INPP5A: variants seen among roughly 807,000 people sequenced by gnomAD.
INPP5A encodes the protein inositol polyphosphate-5-phosphatase A, also known as 43 kDa inositol polyphosphate 5-phophatase.
A neutral mutation model predicts 65.2 loss-of-function variants in INPP5A; 14 were observed. The ratio of observed to expected loss-of-function variants is 0.21; its 90% confidence interval spans 0.14 to 0.34. The LOEUF (loss-of-function observed/expected upper bound fraction) is 0.34. Ranked by LOEUF, INPP5A falls within the 10% of genes least tolerant of loss-of-function variation. The pLI is 1.00. For synonymous variants in INPP5A, 207 were observed against 208.3 expected (o/e 0.99, Z 0.05); for missense variants, 431 against 545.6 (o/e 0.79, Z 2.09).
chr10:132,762,484 T>TAA lies in INPP5A; in HGVS notation c.904-3288_904-3287insAA, dbSNP rs1162385086. Among the ~76,000 whole-genome samples the TAA allele has an allele frequency of 6.6e-6, 1 of 152,038 alleles. No homozygotes were observed. Among genetic ancestry groups the TAA allele is most frequent in the Non-Finnish European group, 1.5e-5 (1 of 68,008 alleles). ...TGGTGGAAAACCCCACCCACACACT[T>TAA]AGAGTTCTCTCAGCAGCCAAGTCAG... On this transcript the variant is annotated intron_variant, in intron 11 of 15. Transcript: ENST00000368594. The surrounding 1 kb of genome is among the most constrained non-coding windows in gnomAD (Gnocchi z 4.6).
Position 132,627,640 on chromosome 10 carries a change from G to A in INPP5A, c.118-18228G>A, listed in dbSNP as rs1020947820. Among the ~76,000 whole-genome samples the A allele has an allele frequency of 2.0e-5, 3 of 152,210 alleles. No homozygotes were observed. Among genetic ancestry groups the A allele is most frequent in the African/African-American group, 4.8e-5 (2 of 41,450 alleles). On this transcript the variant is annotated intron_variant, in intron 2 of 15. Transcript: ENST00000368594. This position sits in a 1 kb window ranked among gnomAD's most constrained non-coding sequence, Gnocchi z 6.6. The stretch of plus-strand genomic sequence containing the variant: ...CCGAAAAAGACACCTTCCAGGAATC[G>A]TGGTGAAAGCAGCGAGCACAGTGTG...
rs1273061985 is a variant in INPP5A, at chr10:132,616,954, G to C, written c.117+8998G>C. ...TTTGCTGCGCTGGTGGGGAGAGGCC[G>C]CCTGAGGTCCTTCGAAGCAGCCTGG... On this transcript the variant is annotated intron_variant, in intron 2 of 15. Transcript: ENST00000368594. This position sits in a 1 kb window ranked among gnomAD's most constrained non-coding sequence, Gnocchi z 4.9. Among the ~76,000 whole-genome samples, 1 of 152,070 alleles carries C rather than the reference G, an allele frequency of 6.6e-6. No homozygotes were observed. The highest frequency in any genetic ancestry group is 2.4e-5 in the African/African-American group (1 of 41,388).
intron 4 of INPP5A, among the ~76,000 whole-genome samples, chr10:132,686,490 G>A (rs750568337): frequency 1.3e-5 from 2 of 152,206 alleles, no homozygotes; most frequent in Non-Finnish European, 2.9e-5. Context: ...GGCAGGCCCC[G>A]GACACGCTCC....
At position 132,678,962 on chromosome 10, in the gene INPP5A, G is replaced by A. The variant is rs2073007323; in HGVS notation, c.307-11430G>A. Among the ~76,000 whole-genome samples the A allele has an allele frequency of 6.6e-6, 1 of 152,234 alleles. No individual in the cohort carries two copies. On this transcript the variant is annotated intron_variant, in intron 4 of 15. Transcript: ENST00000368594. This position sits in a 1 kb window ranked among gnomAD's most constrained non-coding sequence, Gnocchi z 4.1. ...TCCTCAGGCCCAGATGGCCAATGGGGCTGGAGCTCTGTCAGCTGGGTGTGT... is the reference window on the plus strand; with the variant it reads ...TCCTCAGGCCCAGATGGCCAATGGGACTGGAGCTCTGTCAGCTGGGTGTGT...
intron 1 of INPP5A, among the ~76,000 whole-genome samples, chr10:132,542,893 A>C (rs1043360600): frequency 1.3e-5 from 2 of 152,172 alleles, no homozygotes; most frequent in Non-Finnish European, 2.9e-5. Flanking sequence ...CCTGGGCTGA[A>C]GTGAGCTGAA....
At position 132,697,999 on chromosome 10, in the gene INPP5A, C is replaced by G; in HGVS notation, c.474+80C>G. On this transcript the variant is annotated intron_variant, in intron 6 of 15. Coordinates refer to ENST00000368594, the MANE Select transcript of INPP5A (RefSeq NM_005539.5). The surrounding 1 kb of genome is among the most constrained non-coding windows in gnomAD (Gnocchi z 5.6). ...GAAGTGACATGGAACACGGAATTTT[C>G]GCATTGCACTGTTACTAGTCACAGC... 1 of 887,268 alleles carries G rather than the reference C, an allele frequency of 1.1e-6. No homozygotes were observed. Among genetic ancestry groups the G allele is most frequent in the East Asian group, 2.6e-5 (1 of 38,850 alleles). The allele number at this position is 887,268 out of a possible 1,614,324, so 55.0% of individuals were successfully genotyped here.
At chr10:132,636,049 A>G (rs1271282456) in intron 2 of INPP5A, among the ~76,000 whole-genome samples, 3 of 152,094 alleles carry the variant, frequency 2.0e-5, no homozygotes, top group Non-Finnish European at 4.4e-5. Context: ...TTCATGTGCA[A>G]TGTTGAAATC....
chr10:132,671,050 G>A (rs1176469831), intron 4 of INPP5A, among the ~76,000 whole-genome samples: 1 of 151,902 alleles, frequency 6.6e-6, no homozygotes, highest in Non-Finnish European at 1.5e-5. Flanking sequence ...GGTTGCTCAT[G>A]GTTTGGCCTC....
Position 132,644,423 on chromosome 10 carries a change from G to T in INPP5A, c.118-1445G>T, listed in dbSNP as rs1390883525. Among the ~76,000 whole-genome samples the T allele has an allele frequency of 1.3e-5, 2 of 152,202 alleles. No individual in the cohort carries two copies. Among genetic ancestry groups the T allele is most frequent in the African/African-American group, 4.8e-5 (2 of 41,450 alleles). ...GCAGCACAGACAGGGCCTGTCCGCC[G>T]GGCTTGGTTGGAACCATTTCTGTCT... On this transcript the variant is annotated intron_variant, in intron 2 of 15. Coordinates refer to ENST00000368594, the MANE Select transcript of INPP5A (RefSeq NM_005539.5). The surrounding 1 kb of genome is among the most constrained non-coding windows in gnomAD (Gnocchi z 6.5).
chr10:132,765,838 C>G lies in INPP5A; in HGVS notation c.969C>G (p.Phe323Leu), dbSNP rs1444315212. Reference sequence around the variant, plus strand: ...GACTGTATGAACTGGACATCTCGTTCCCTCCCAGGTATGGAACATGCTGTT... The same window carrying G: ...GACTGTATGAACTGGACATCTCGTTGCCTCCCAGGTATGGAACATGCTGTT... ...KDRLYELDIS[F>L]PPSYPYSEDA... The change falls in exon 12 of 16, where the codon TTC becomes TTG. Residue 323 changes from phenylalanine (F) to leucine (L), a missense_variant. By Grantham distance (22) the Phe-to-Leu change is conservative. Transcript: ENST00000368594. The G allele has an allele frequency of 6.3e-7, 1 of 1,594,458 alleles. No homozygotes were observed. The highest frequency in any genetic ancestry group is 1.3e-5 in the African/African-American group (1 of 74,510).
chr10:132,672,231 A>G (rs1486273199), intron 4 of INPP5A, among the ~76,000 whole-genome samples: 1 of 152,206 alleles, frequency 6.6e-6, no homozygotes, highest in Admixed American at 6.5e-5. Flanking sequence ...AGATTTATTC[A>G]CTTCATATCA....
Position 132,698,033 on chromosome 10 carries a change from G to T in INPP5A, c.474+114G>T. 1 of 706,590 alleles carries T rather than the reference G, an allele frequency of 1.4e-6. No homozygotes were observed. The highest frequency in any genetic ancestry group is 2.7e-5 in the East Asian group (1 of 36,760). The allele number at this position is 706,590 out of a possible 1,614,324, so 43.8% of individuals were successfully genotyped here. ...CTGTTACTAGTCACAGCTGCCTGTTGTTACCTCCGATAATCTGTCTTCCTG... is the reference window on the plus strand; with the variant it reads ...CTGTTACTAGTCACAGCTGCCTGTTTTTACCTCCGATAATCTGTCTTCCTG... On this transcript the variant is annotated intron_variant, in intron 6 of 15. Coordinates refer to ENST00000368594, the MANE Select transcript of INPP5A (RefSeq NM_005539.5). This position sits in a 1 kb window ranked among gnomAD's most constrained non-coding sequence, Gnocchi z 5.5.
At chr10:132,757,550 G>A (rs1030720506) in intron 11 of INPP5A, among the ~76,000 whole-genome samples, 77 of 152,236 alleles carry the variant, frequency 5.1e-4, no homozygotes, top group African/African-American at 1.6e-3. Context: ...GTCCCACAGC[G>A]AAATCGCCTA....
chr10:132,625,840 C>CTGTGTGTGTGTGTGTGTGTGTG (rs139839964), intron 2 of INPP5A, among the ~76,000 whole-genome samples: 1 of 146,590 alleles, frequency 6.8e-6, no homozygotes, highest in Admixed American at 6.7e-5. Context: ...GGCAGGACTT[C>CTGTGTGTGTGTGTGTGTGTGTG]TGTGTGTGTG....
Position 132,697,929 on chromosome 10 carries a change from G to C in INPP5A, c.474+10G>C. 6.3e-7 allele frequency: 1 copy of C among 1,575,764 alleles called. No homozygotes were observed. Among genetic ancestry groups the C allele is most frequent in the Non-Finnish European group, 8.7e-7 (1 of 1,146,080 alleles). ...GGACTACTTCCCCGAGGTACGTAGC[G>C]AGGCTTTCTCACTGACGTGTTTACT... is the stretch of plus-strand genomic sequence containing the variant. On this transcript the variant is annotated intron_variant, in intron 6 of 15. Coordinates refer to ENST00000368594, the MANE Select transcript of INPP5A (RefSeq NM_005539.5). This position sits in a 1 kb window ranked among gnomAD's most constrained non-coding sequence, Gnocchi z 5.6.
intron 1 of INPP5A, among the ~76,000 whole-genome samples, chr10:132,552,908 G>A (rs1481264082): frequency 3.6e-4 from 47 of 130,314 alleles, no homozygotes; most frequent in Non-Finnish European, 7.4e-4. Context: ...GTAGGATAGG[G>A]AGGGAGGATT....
At chr10:132,664,734 T>C (rs1408752323) in intron 4 of INPP5A, among the ~76,000 whole-genome samples, 2 of 152,224 alleles carry the variant, frequency 1.3e-5, no homozygotes, top group Non-Finnish European at 2.9e-5. Context: ...GCCATTTGGC[T>C]TGGCACCTGT....
rs992432677 is a variant in INPP5A at position 132,703,715 on chromosome 10, A to C, written c.475-4598A>C. On this transcript the variant is annotated intron_variant, in intron 6 of 15. Transcript: ENST00000368594. Reference sequence around the variant, plus strand: ...AGACACATGCGGCTTCACCCCCCCCACACACTCACGGCTTCACCTGCACAC... The same window carrying C: ...AGACACATGCGGCTTCACCCCCCCCCCACACTCACGGCTTCACCTGCACAC... Among the ~76,000 whole-genome samples, 186 of 46,362 alleles carry C rather than the reference A, an allele frequency of 4.0e-3. 1 individual carries two copies. The highest frequency in any genetic ancestry group is 0.01 in the Admixed American group (32 of 3,054). The allele number at this position is 46,362 out of a possible 152,430, so 30.4% of individuals were successfully genotyped here. A position where few individuals can be genotyped will look rare whatever the true frequency, so the allele number is the denominator to read the frequency against.
At chr10:132,703,919 C>T (rs1845487886) in intron 6 of INPP5A, among the ~76,000 whole-genome samples, 1 of 119,158 alleles carries the variant, frequency 8.4e-6, no homozygotes, top group Non-Finnish European at 1.8e-5. Context: ...CCCCCACACA[C>T]ACACGCAAGC....
Sources: gnomAD v4.1 joint callset for allele counts (sites outside exome capture counted in the v4.1 genomes callset) on GRCh38, gnomAD v4.1.1 for gene constraint, Gnocchi (gnomAD v3.1) non-coding constraint, MANE v1.5 for transcripts, NCBI Gene and HGNC (gene_info 2026-07-23, HGNC 2026-07-21) for gene names.